Variants in MAPK8 observed in about 807,000 individuals in gnomAD.
The protein encoded by MAPK8 is JUN N-terminal kinase.
Under a neutral mutation model 52.9 loss-of-function variants are expected in MAPK8, and 13 were observed. The observed-to-expected ratio is 0.25, with a 90% confidence interval of 0.16 to 0.39. The LOEUF is 0.39. Ranked by LOEUF, MAPK8 falls within the 10% of genes least tolerant of loss-of-function variation. The probability of loss-of-function intolerance (pLI) is 1.00; values close to 1 mark genes in which losing one functional copy is unlikely to be tolerated. For missense variants in MAPK8, 300 were observed against 519.2 expected (o/e 0.58, Z 4.10); for synonymous variants, 191 against 169.8 (o/e 1.12, Z -0.97).
intron 1 of MAPK8, among the ~76,000 whole-genome samples, chr10:48,395,526 AAAAAT>A (rs1837285020): frequency 6.6e-6 from 1 of 152,214 alleles, no homozygotes; most frequent in Non-Finnish European, 1.5e-5. Context: ...CTGTGAAAGA[AAAAAT>A]AAACCAGCTG....
chr10:48,313,267 T>A (rs545779558), intron 1 of MAPK8, among the ~76,000 whole-genome samples: 5 of 152,266 alleles, frequency 3.3e-5, no homozygotes, highest in Non-Finnish European at 7.4e-5. Flanking sequence ...ACCCCGTCTA[T>A]ACTAAAAATA....
At position 48,325,693 on chromosome 10, in the gene MAPK8, C is replaced by CAAAT. The variant is rs1393026712; in HGVS notation, c.-50+18873_-50+18874insAATA. 2.6e-5 allele frequency among the ~76,000 whole-genome samples: 4 copies of CAAAT among 152,178 alleles called. No individual in the cohort carries two copies. The East Asian group carries it at 7.7e-4, about 29-fold the overall frequency. On this transcript the variant is annotated intron_variant, in intron 1 of 11. Coordinates refer to ENST00000374189, the MANE Select transcript of MAPK8 (RefSeq NM_001323329.2). ...TATTAACTAAAATCCATAGCTTATT[C>CAAAT]AGCTTTTCTTAGTTTTTAGCTAGTG...
chr10:48,359,642 A>T (rs1255001629), intron 1 of MAPK8, among the ~76,000 whole-genome samples: 2 of 152,234 alleles, frequency 1.3e-5, no homozygotes, highest in Non-Finnish European at 2.9e-5. Context: ...TTTCTATGTG[A>T]CAGAACACCA....
intron 9 of MAPK8, 118 bp from the exon 10 acceptor site, chr10:48,426,962 A>G (rs1405492161): frequency 3.0e-6 from 2 of 671,960 alleles, no homozygotes; most frequent in East Asian, 2.8e-5. Flanking sequence ...ATGATTGATC[A>G]GTCTTGATCT....
At chr10:48,428,831 G>C (rs531869537) in intron 10 of MAPK8, among the ~76,000 whole-genome samples, 1 of 151,740 alleles carries the variant, frequency 6.6e-6, no homozygotes, top group East Asian at 1.9e-4. Flanking sequence ...TTGTTTGTTT[G>C]TTTTTTTGAG....
chr10:48,346,710 T>C (rs1399123174), intron 1 of MAPK8, among the ~76,000 whole-genome samples: 2 of 152,200 alleles, frequency 1.3e-5, no homozygotes, highest in Admixed American at 1.3e-4. Flanking sequence ...TAGTCTGCCT[T>C]CATGTTCCAT....
At chr10:48,329,953 C>T (rs895518400) in intron 1 of MAPK8, among the ~76,000 whole-genome samples, 2 of 152,094 alleles carry the variant, frequency 1.3e-5, no homozygotes, top group Non-Finnish European at 2.9e-5. Flanking sequence ...TTTTTTTAAA[C>T]TAACGGCAAA....
chr10:48,346,456 G>A (rs186525716), intron 1 of MAPK8, among the ~76,000 whole-genome samples: 5 of 152,346 alleles, frequency 3.3e-5, no homozygotes, highest in South Asian at 4.1e-4. Flanking sequence ...TGACGCCAGC[G>A]TCTGGGAAGA....
rs529495571 is a variant in MAPK8 at position 48,408,372 on chromosome 10, G to T, written c.253-1507G>T. 2.0e-4 allele frequency among the ~76,000 whole-genome samples: 31 copies of T among 152,268 alleles called. No individual in the cohort carries two copies. In the East Asian group the frequency reaches 5.0e-3, roughly 25 times the overall value. Reference sequence around the variant, plus strand: ...AATAGTCAACTCTGTCAAGAACTAGGAGTTGTCAGAATCTACAAAAGAGGT... The same window carrying T: ...AATAGTCAACTCTGTCAAGAACTAGTAGTTGTCAGAATCTACAAAAGAGGT... On this transcript the variant is annotated intron_variant, in intron 3 of 11. Transcript: ENST00000374189.
chr10:48,404,857 CT>C lies in MAPK8; in HGVS notation c.130del (p.Tyr44MetfsTer14). On this transcript the variant is annotated frameshift_variant, in exon 3 of 12. Coordinates refer to ENST00000374189, the MANE Select transcript of MAPK8 (RefSeq NM_001323329.2). LOFTEE classifies it high-confidence loss of function. ...TTTTGAATTTCTTATTACAGCGCAGCTTATGATGCCATTCTTGAAAGAAATG... is the reference window on the plus strand; with the variant it reads ...TTTTGAATTTCTTATTACAGCGCAGCTATGATGCCATTCTTGAAAGAAATG... ...GSGAQGIVCA[A>X]YDAILERNVA... is the part of the protein sequence containing the mutation. The C allele has an allele frequency of 6.3e-7, 1 of 1,594,448 alleles. No homozygotes were observed. Among genetic ancestry groups the C allele is most frequent in the Non-Finnish European group, 8.5e-7 (1 of 1,171,876 alleles).
At chr10:48,333,376 G>A (rs6537560) in intron 1 of MAPK8, among the ~76,000 whole-genome samples, 76,550 of 152,058 alleles carry the variant, frequency 0.5, 19,887 homozygotes, top group Middle Eastern at 0.72. Context: ...TCTACCAGCA[G>A]GTCTGTGGCA....
At chr10:48,311,462 A>G (rs938642544) in intron 1 of MAPK8, among the ~76,000 whole-genome samples, 2 of 152,210 alleles carry the variant, frequency 1.3e-5, no homozygotes, top group African/African-American at 4.8e-5. Flanking sequence ...CATATTTGCC[A>G]CTTTCACGAT....
In MAPK8 at chr10:48,426,605, A is replaced by G. The variant is rs2043698372; in HGVS notation, c.996+101A>G. On this transcript the variant is annotated intron_variant, in intron 9 of 11. Coordinates refer to ENST00000374189, the MANE Select transcript of MAPK8 (RefSeq NM_001323329.2). ...CTTTTAATTTTAAATAAAAATGTAG[A>G]TACATGATGATGATGTTTTTCTGTT... 8.7e-6 allele frequency: 9 copies of G among 1,035,392 alleles called. No homozygotes were observed. In the South Asian group the frequency reaches 1.2e-4, roughly 14 times the overall value. 64.1% of individuals were successfully genotyped at this position (1,035,392 alleles called of 1,614,324 possible).
chr10:48,425,252 G>C (rs1333541997), intron 7 of MAPK8: 1 of 740,350 alleles, frequency 1.4e-6, no homozygotes, highest in South Asian at 1.5e-5. Context: ...CAGGGTCCTG[G>C]AGTGTAAAGA....
intron 5 of MAPK8, among the ~76,000 whole-genome samples, chr10:48,413,366 T>G (rs1346583227): frequency 6.6e-6 from 1 of 152,214 alleles, no homozygotes; most frequent in East Asian, 1.9e-4. Context: ...ACTGCCACAC[T>G]GTTTTCCATA....
chr10:48,431,260 C>T lies in MAPK8; in HGVS notation c.1128C>T (p.Pro376=). 6.2e-7 allele frequency: 1 copy of T among 1,610,448 alleles called. No homozygotes were observed. Among genetic ancestry groups the T allele is most frequent in the South Asian group, 1.1e-5 (1 of 90,926 alleles). The change falls in exon 11 of 12, where the codon CCC becomes CCT. Residue 376 remains proline, a synonymous_variant. Coordinates refer to ENST00000374189, the MANE Select transcript of MAPK8 (RefSeq NM_001323329.2). ...AGAATGGAGTTATACGGGGGCAGCC[C>T]TCTCCTTTAGGTTGGTTACAATATA... The part of the protein sequence containing the change: ...RTKNGVIRGQ[P]SPLGAAVING...
At chr10:48,420,018 A>G in intron 5 of MAPK8, 137 bp from the exon 6 acceptor site, 2 of 541,164 alleles carry the variant, frequency 3.7e-6, no homozygotes, top group South Asian at 8.7e-5. Flanking sequence ...TTAACGATGA[A>G]TCAGTGCAGT....
At chr10:48,390,440 G>A (rs2041558827) in intron 1 of MAPK8, among the ~76,000 whole-genome samples, 2 of 152,202 alleles carry the variant, frequency 1.3e-5, no homozygotes, top group African/African-American at 4.8e-5. Context: ...TAGGCTCTAA[G>A]TTACCTCAGT....
intron 5 of MAPK8, among the ~76,000 whole-genome samples, chr10:48,411,415 T>C (rs1438681542): frequency 6.6e-6 from 1 of 152,244 alleles, no homozygotes; most frequent in African/African-American, 2.4e-5. Context: ...CAAAAAACAG[T>C]TGGTCATAGA....
Sources: allele counts gnomAD v4.1 joint callset (sites outside exome capture counted in the v4.1 genomes callset), GRCh38; gene constraint gnomAD v4.1.1; transcripts MANE v1.5; gene names NCBI Gene and HGNC (gene_info 2026-07-23, HGNC 2026-07-21).